Variants in EDARADD observed in about 807,000 individuals in gnomAD.
The protein encoded by EDARADD is ectodysplasin-A receptor-associated adapter protein.
Under a neutral mutation model 25.6 loss-of-function variants are expected in EDARADD, and 20 were observed. The observed-to-expected ratio is 0.78, with a 90% CI of 0.55 to 1.14. The LOEUF (loss-of-function observed/expected upper bound fraction) is 1.14. Ranked by LOEUF, EDARADD falls within the 50% of genes most tolerant of loss-of-function variation. EDARADD has a pLI of 0.00. For missense variants in EDARADD, 225 were observed against 270.1 expected (o/e 0.83, Z 1.17); for synonymous variants, 86 against 94.4 (o/e 0.91, Z 0.52).
At chr1:236,451,898 C>G (rs774516261) in intron 4 of EDARADD, among the ~76,000 whole-genome samples, 3 of 152,192 alleles carry the variant, frequency 2.0e-5, no homozygotes, top group Non-Finnish European at 4.4e-5. Context: ...CCCCCAGCAG[C>G]CAACCCCAGC....
At chr1:236,480,456 G>T (rs1487599085) in intron 5 of EDARADD, among the ~76,000 whole-genome samples, 1 of 152,050 alleles carries the variant, frequency 6.6e-6, no homozygotes, top group Non-Finnish European at 1.5e-5. Flanking sequence ...AAGAGTATGA[G>T]CCTATTTTCA....
chr1:236,409,182 C>A, intron 1 of EDARADD, 34 bp from the exon 2 acceptor site: 1 of 1,566,078 alleles, frequency 6.4e-7, no homozygotes. Flanking sequence ...TAAAGCAAAC[C>A]CGCTCTATTT....
At chr1:236,458,188 CTACA>C (rs1658927944) in intron 4 of EDARADD, among the ~76,000 whole-genome samples, 1 of 152,180 alleles carries the variant, frequency 6.6e-6, no homozygotes. Flanking sequence ...GGACTTGATC[CTACA>C]GAACTCATTA....
At chr1:236,447,913 G>A (rs1658610826) in intron 4 of EDARADD, among the ~76,000 whole-genome samples, 1 of 151,382 alleles carries the variant, frequency 6.6e-6, no homozygotes. Context: ...TCGGCTCCCT[G>A]CAACCTCCGC....
chr1:236,357,355 G>C lies in EDARADD; in HGVS notation c.-6+6516G>C, dbSNP rs142906099. On this transcript the variant is annotated intron_variant, in intron 3 of 7. Coordinates refer to the EDARADD transcript ENST00000439430. ...TAAAGGAATGCCTGAGGCTGGGTAA[G>C]TTATGAAGAAAAAAGGTTTATTTGG... 1.4e-4 allele frequency among the ~76,000 whole-genome samples: 22 copies of C among 152,188 alleles called. No homozygotes were observed. The East Asian group carries it at 3.5e-3, about 24-fold the overall frequency.
chr1:236,369,629 G>A (rs1320169270), intron 3 of EDARADD, among the ~76,000 whole-genome samples: 4 of 152,080 alleles, frequency 2.6e-5, no homozygotes, highest in African/African-American at 9.7e-5. Flanking sequence ...ATCACCTGAG[G>A]TCAGGAGTTC....
chr1:236,483,534 G>C lies in EDARADD; in HGVS notation c.*885G>C. The stretch of plus-strand genomic sequence containing the variant: ...CCTCGCTGCCTGCAAAGCTAGTGCT[G>C]TTGAGAAGGGGGTTCCCCTGTACCA... On this transcript the variant is annotated 3_prime_UTR_variant, in exon 6 of 6. Coordinates refer to ENST00000334232, the MANE Select transcript of EDARADD (RefSeq NM_145861.4). The C allele has an allele frequency of 9.0e-7, 1 of 1,107,234 alleles. No homozygotes were observed. 68.6% of individuals were successfully genotyped at this position (1,107,234 alleles called of 1,614,324 possible).
intron 4 of EDARADD, among the ~76,000 whole-genome samples, chr1:236,447,232 TCCTTTCTTTCCTTTCTTTC>T (rs1658583745): frequency 1.1e-4 from 14 of 122,678 alleles, no homozygotes; most frequent in African/African-American, 5.7e-4. Context: ...TTCCTTTCTT[TCCTTTCTTTCCTTTCTTTC>T]CTTTCTTTCT....
chr1:236,440,953 A>G (rs1171132558), intron 4 of EDARADD, among the ~76,000 whole-genome samples: 3 of 152,112 alleles, frequency 2.0e-5, no homozygotes, highest in African/African-American at 7.2e-5. Context: ...GAAGAGTTGC[A>G]TGTTTCTCAC....
At chr1:236,472,761 T>G (rs61834032) in intron 5 of EDARADD, among the ~76,000 whole-genome samples, 1 of 152,162 alleles carries the variant, frequency 6.6e-6, no homozygotes, top group Non-Finnish European at 1.5e-5. Context: ...ACAACCACCT[T>G]GTGAGAGAGG....
intron 4 of EDARADD, among the ~76,000 whole-genome samples, chr1:236,451,824 G>A (rs1309529142): frequency 6.6e-6 from 1 of 152,064 alleles, no homozygotes; most frequent in Non-Finnish European, 1.5e-5. Context: ...CCGGAGATGA[G>A]AATTTGGCCA....
intron 3 of EDARADD, among the ~76,000 whole-genome samples, chr1:236,358,032 C>T (rs912685782): frequency 1.1e-4 from 17 of 152,022 alleles, no homozygotes; most frequent in African/African-American, 3.6e-4. Context: ...CCACCACACC[C>T]GGCTAATTTT....
intron 3 of EDARADD, among the ~76,000 whole-genome samples, chr1:236,382,364 T>C (rs757010997): frequency 2.0e-5 from 3 of 152,262 alleles, no homozygotes; most frequent in Non-Finnish European, 4.4e-5. Flanking sequence ...TGTGTGTCTC[T>C]ACTTAGCTTG....
rs552054267 is a variant in EDARADD, at chr1:236,356,939, C to G, written c.-6+6100C>G. 5.4e-4 allele frequency among the ~76,000 whole-genome samples: 82 copies of G among 152,056 alleles called. 2 individuals carry two copies. In the South Asian group the frequency reaches 0.012, roughly 22 times the overall value. The stretch of plus-strand genomic sequence containing the variant: ...TCTCTAATAAAAATACAAAAATTAG[C>G]CGGGCATGGTGGTGCATGCCTGTAA... On this transcript the variant is annotated intron_variant, in intron 3 of 7. Coordinates refer to the EDARADD transcript ENST00000439430.
intron 4 of EDARADD, among the ~76,000 whole-genome samples, chr1:236,430,527 C>A (rs887505805): frequency 6.6e-6 from 1 of 152,056 alleles, no homozygotes; most frequent in Non-Finnish European, 1.5e-5. Context: ...TAAATACTAT[C>A]CTAAAAGGTG....
chr1:236,370,512 A>G (rs545877875), intron 3 of EDARADD, among the ~76,000 whole-genome samples: 1 of 152,314 alleles, frequency 6.6e-6, no homozygotes, highest in Non-Finnish European at 1.5e-5. Flanking sequence ...TACTCAAATC[A>G]GTCTCCCCCA....
chr1:236,356,763 A>G (rs202242775), intron 3 of EDARADD, among the ~76,000 whole-genome samples: 2 of 151,674 alleles, frequency 1.3e-5, no homozygotes, highest in South Asian at 4.1e-4. Flanking sequence ...AAACAAAAAA[A>G]AAAACCACAC....
At chr1:236,361,156 T>C (rs1486679042) in intron 3 of EDARADD, among the ~76,000 whole-genome samples, 1 of 152,150 alleles carries the variant, frequency 6.6e-6, no homozygotes, top group Non-Finnish European at 1.5e-5. Flanking sequence ...TGTGGAAACA[T>C]TACCATATTG....
At chr1:236,377,136 T>G (rs891848784) in intron 3 of EDARADD, among the ~76,000 whole-genome samples, 8 of 145,612 alleles carry the variant, frequency 5.5e-5, no homozygotes, top group African/African-American at 1.8e-4. Flanking sequence ...TATATATATA[T>G]GTTATATATT....
Sources: gnomAD v4.1 joint callset for allele counts (sites outside exome capture counted in the v4.1 genomes callset) on GRCh38, gnomAD v4.1.1 for gene constraint, MANE v1.5 for transcripts, NCBI Gene and HGNC (gene_info 2026-07-23, HGNC 2026-07-21) for gene names.